NBEA: variants seen among roughly 807,000 people sequenced by gnomAD.
The protein encoded by NBEA is lysosomal-trafficking regulator 2.
Under a neutral mutation model 343.4 loss-of-function variants are expected in NBEA, and 44 were observed. The ratio of observed to expected loss-of-function variants is 0.13; its 90% CI spans 0.10 to 0.16. NBEA has a LOEUF of 0.16. Ranked by LOEUF, NBEA falls within the 10% of genes least tolerant of loss-of-function variation. The pLI is 1.00. For missense variants in NBEA, 2,555 were observed against 3,631.3 expected, an observed-to-expected ratio of 0.70 and a Z score of 7.62; for synonymous variants, 1,175 against 1,238.7, an observed-to-expected ratio of 0.95 and a Z score of 1.08.
chr13:35,091,378 A>AT, intron 10 of NBEA, among the ~76,000 whole-genome samples: 1 of 151,958 alleles, frequency 6.6e-6, no homozygotes, highest in Non-Finnish European at 1.5e-5. Flanking sequence ...ACCCTGTAAA[A>AT]TTTTTTAATG....
At chr13:35,219,847 C>CAT (rs929286715) in intron 33 of NBEA, among the ~76,000 whole-genome samples, 8 of 152,094 alleles carry the variant, frequency 5.3e-5, no homozygotes, top group African/African-American at 1.9e-4. Context: ...TTGTTCTATT[C>CAT]ATATCTTCAA....
intron 40 of NBEA, among the ~76,000 whole-genome samples, chr13:35,455,939 T>C (rs1370121527): frequency 2.6e-5 from 4 of 152,064 alleles, no homozygotes; most frequent in African/African-American, 9.6e-5. Flanking sequence ...GTATATATCA[T>C]TAAAGACTCT....
At chr13:35,428,125 C>T (rs1039748757) in intron 38 of NBEA, among the ~76,000 whole-genome samples, 12 of 152,276 alleles carry the variant, frequency 7.9e-5, no homozygotes, top group South Asian at 4.1e-4. Context: ...GCACACGATC[C>T]GCTGCACCCA....
At chr13:35,117,392 T>C in intron 13 of NBEA, 22 bp from the exon 14 acceptor site, 1 of 1,239,454 alleles carries the variant, frequency 8.1e-7, no homozygotes, top group Non-Finnish European at 1.0e-6. Context: ...TTTATTTTAC[T>C]TTTTTTTCTG....
chr13:35,622,910 C>T (rs1206333978), intron 48 of NBEA, among the ~76,000 whole-genome samples: 1 of 151,898 alleles, frequency 6.6e-6, no homozygotes, highest in East Asian at 1.9e-4. Context: ...TTACCCCAAA[C>T]CTGCTAGAGA....
intron 6 of NBEA, among the ~76,000 whole-genome samples, chr13:35,052,228 T>C (rs1234482833): frequency 6.6e-6 from 1 of 152,060 alleles, no homozygotes; most frequent in Non-Finnish European, 1.5e-5. Flanking sequence ...ATAGATTCCC[T>C]AGCTAAGTTG....
chr13:35,212,220 A>G (rs953377742), intron 33 of NBEA, among the ~76,000 whole-genome samples: 5 of 152,158 alleles, frequency 3.3e-5, no homozygotes, highest in African/African-American at 1.2e-4. Context: ...ATACTAAGCT[A>G]GTTTTGTCCT....
At chr13:35,470,673 A>G (rs556382443) in intron 40 of NBEA, among the ~76,000 whole-genome samples, 1 of 152,302 alleles carries the variant, frequency 6.6e-6, no homozygotes, top group East Asian at 1.9e-4. Context: ...AGTGGCATCC[A>G]AGGGAGCGTC....
chr13:34,976,056 A>G (rs1417271604), intron 1 of NBEA, among the ~76,000 whole-genome samples: 1 of 152,234 alleles, frequency 6.6e-6, no homozygotes, highest in African/African-American at 2.4e-5. Context: ...CCTTTGATCC[A>G]GCAATCCCAC....
Position 35,644,134 on chromosome 13 carries a change from T to A in NBEA, c.7618-1735T>A, listed in dbSNP as rs561941828. On this transcript the variant is annotated intron_variant, in intron 49 of 58. Transcript: ENST00000379939. ...CTAAAAGGTAAATATTGGACTGAGA[T>A]CCTTTGGGTCATGAAGGCATGTAAA... is the stretch of plus-strand genomic sequence containing the variant. 6.6e-5 allele frequency among the ~76,000 whole-genome samples: 10 copies of A among 152,234 alleles called. No individual in the cohort carries two copies. In the South Asian group the frequency reaches 2.1e-3, roughly 32 times the overall value.
In NBEA at chr13:35,349,226, T is replaced by G; in HGVS notation, c.6012+10T>G. On this transcript the variant is annotated intron_variant, in intron 37 of 58. Transcript: ENST00000379939. The stretch of plus-strand genomic sequence containing the variant: ...ACATGCAGAGTTTGAGGTAAGGTTT[T>G]GGGAGTAGACTAAATTCTGCCTTTC... 1 of 1,515,062 alleles carries G rather than the reference T, an allele frequency of 6.6e-7. No homozygotes were observed. The highest frequency in any genetic ancestry group is 9.1e-7 in the Non-Finnish European group (1 of 1,103,790). The allele number at this position is 1,515,062 out of a possible 1,614,324, so 93.9% of individuals were successfully genotyped here. A position where few individuals can be genotyped will look rare whatever the true frequency, so the allele number is the denominator to read the frequency against.
At chr13:35,469,488 T>C (rs2075547253) in intron 40 of NBEA, among the ~76,000 whole-genome samples, 1 of 152,222 alleles carries the variant, frequency 6.6e-6, no homozygotes, top group Admixed American at 6.5e-5. Flanking sequence ...ATATTGCCAG[T>C]TGTAAAAAGT....
In NBEA at chr13:35,410,465, A is replaced by G. The variant is rs180787328; in HGVS notation, c.6180-21804A>G. ...GAGTGTCAGAGAAAGAAGACCCTGA[A>G]ATAATACATAGGCAAGAGTCAGAAT... On this transcript the variant is annotated intron_variant, in intron 38 of 58. Transcript: ENST00000379939. 2.0e-5 allele frequency among the ~76,000 whole-genome samples: 3 copies of G among 152,274 alleles called. No homozygotes were observed. The East Asian group carries it at 5.8e-4, about 29-fold the overall frequency.
rs570955478 is a variant in NBEA at position 35,172,084 on chromosome 13, G to A, written c.4423+632G>A. Among the ~76,000 whole-genome samples the A allele has an allele frequency of 5.9e-5, 9 of 152,030 alleles. No homozygotes were observed. The East Asian group carries it at 1.7e-3, about 29-fold the overall frequency. On this transcript the variant is annotated intron_variant, in intron 26 of 58. Coordinates refer to ENST00000379939, the MANE Select transcript of NBEA (RefSeq NM_001385012.1). Reference sequence around the variant, plus strand: ...TCAAAACCAGAAAACTGCTGTTTTTGTACTTGCCTTAGATCATGAGCAGGA... The same window carrying A: ...TCAAAACCAGAAAACTGCTGTTTTTATACTTGCCTTAGATCATGAGCAGGA...
chr13:35,462,612 A>G (rs1375649993), intron 40 of NBEA, among the ~76,000 whole-genome samples: 1 of 152,120 alleles, frequency 6.6e-6, no homozygotes, highest in African/African-American at 2.4e-5. Context: ...TTTAAGTATG[A>G]CAGTGATGAA....
intron 17 of NBEA, among the ~76,000 whole-genome samples, chr13:35,128,246 A>C (rs1486358955): frequency 1.3e-5 from 2 of 152,142 alleles, no homozygotes; most frequent in Non-Finnish European, 2.9e-5. Flanking sequence ...AATAAAAAAA[A>C]AAAGCAGAAA....
intron 17 of NBEA, among the ~76,000 whole-genome samples, chr13:35,139,262 T>A (rs923129338): frequency 6.6e-6 from 1 of 151,898 alleles, no homozygotes. Flanking sequence ...GGTTTCACCA[T>A]GTTGGCCATG....
At chr13:35,313,751 GA>G (rs927510677) in intron 36 of NBEA, among the ~76,000 whole-genome samples, 9 of 152,172 alleles carry the variant, frequency 5.9e-5, no homozygotes, top group African/African-American at 2.2e-4. Flanking sequence ...GCAGGCAACT[GA>G]GAGAGGTATT....
intron 17 of NBEA, among the ~76,000 whole-genome samples, chr13:35,131,446 A>G (rs1183343315): frequency 2.6e-5 from 4 of 152,210 alleles, no homozygotes; most frequent in African/African-American, 9.6e-5. Flanking sequence ...AAAGGAGAAT[A>G]GCTATATAAT....
Sources: allele counts gnomAD v4.1 joint callset (sites outside exome capture counted in the v4.1 genomes callset), GRCh38; gene constraint gnomAD v4.1.1; transcripts MANE v1.5; gene names NCBI Gene and HGNC (gene_info 2026-07-23, HGNC 2026-07-21).